POU2F1: variants seen among roughly 807,000 people sequenced by gnomAD.
The protein encoded by POU2F1 is POU domain, class 2, transcription factor 1.
In POU2F1, 16 loss-of-function variants were observed where a neutral mutation model predicts 84.9. The ratio of observed to expected loss-of-function variants is 0.19; its 90% CI spans 0.13 to 0.29. The LOEUF (loss-of-function observed/expected upper bound fraction) is 0.29, where lower values mean the gene tolerates loss of function less well. Ranked by LOEUF, POU2F1 falls within the 10% of genes least tolerant of loss-of-function variation. The pLI is 1.00. For synonymous variants in POU2F1, 368 were observed against 368.3 expected, an observed-to-expected ratio of 1.00 and a Z score of 0.01; for missense variants, 738 against 942.6, an observed-to-expected ratio of 0.78 and a Z score of 2.84.
In POU2F1 at chr1:167,426,762, G is replaced by A. The variant is rs1571497091; in HGVS notation, c.*10952G>A. On this transcript the variant is annotated 3_prime_UTR_variant, in exon 16 of 16. Coordinates refer to ENST00000367866, the MANE Select transcript of POU2F1 (RefSeq NM_002697.4). ...GTTCTTCTTTGTGGAAACTTAAGAT[G>A]TGGTGTAAATGATTCTTTCCAAAAT... The A allele has an allele frequency of 6.6e-6, 1 of 152,226 alleles. No individual in the cohort carries two copies. Among genetic ancestry groups the A allele is most frequent in the African/African-American group, 2.4e-5 (1 of 41,452 alleles). The allele number at this position is 152,226 out of a possible 1,614,324, so 9.4% of individuals were successfully genotyped here.
intron 1 of POU2F1, among the ~76,000 whole-genome samples, chr1:167,325,433 T>G (rs371587498): frequency 1.7e-3 from 257 of 152,292 alleles, no homozygotes; most frequent in African/African-American, 6.0e-3. Context: ...CCAGGCTGGA[T>G]GTTAATGATT....
At chr1:167,413,865 T>G (rs540143974) in intron 15 of POU2F1, among the ~76,000 whole-genome samples, 5 of 152,056 alleles carry the variant, frequency 3.3e-5, no homozygotes, top group Non-Finnish European at 7.4e-5. Context: ...AAAATAGTTT[T>G]GCTAAGAGGC....
Position 167,413,987 on chromosome 1 carries a change from TA to T in POU2F1, c.1990+891del, listed in dbSNP as rs372662250. Among the ~76,000 whole-genome samples, 1,133 of 126,332 alleles carry T rather than the reference TA, an allele frequency of 9.0e-3. 5 individuals carry two copies. Among genetic ancestry groups the T allele is most frequent in the Middle Eastern group, 0.02 (5 of 254 alleles). The allele number at this position is 126,332 out of a possible 152,430, so 82.9% of individuals were successfully genotyped here. ...GGGTAACACAGTAAGACCCTGTTTC[TA>T]AAAAAAAAAAAAAAAAATTAAAGTG... On this transcript the variant is annotated intron_variant, in intron 15 of 15. Transcript: ENST00000367866.
chr1:167,222,626 A>G (rs1334917301), intron 1 of POU2F1, among the ~76,000 whole-genome samples: 1 of 152,156 alleles, frequency 6.6e-6, no homozygotes, highest in Non-Finnish European at 1.5e-5. Flanking sequence ...ACTAATAACC[A>G]AAATGACTAC....
chr1:167,274,746 A>G (rs1007612279), intron 1 of POU2F1, among the ~76,000 whole-genome samples: 9 of 152,188 alleles, frequency 5.9e-5, no homozygotes, highest in Non-Finnish European at 1.0e-4. Flanking sequence ...TTGTTCATAT[A>G]TTCAGTTTTC....
chr1:167,326,719 T>C (rs1340346065), intron 1 of POU2F1, among the ~76,000 whole-genome samples: 1 of 152,150 alleles, frequency 6.6e-6, no homozygotes, highest in Non-Finnish European at 1.5e-5. Context: ...CTTGTGGGAC[T>C]CCCTTAGCCT....
chr1:167,396,530 C>T (rs1431046284), intron 10 of POU2F1, 103 bp downstream of exon 10: 12 of 1,232,044 alleles, frequency 9.7e-6, no homozygotes, highest in Non-Finnish European at 1.4e-5. Flanking sequence ...TTTGTTGTTA[C>T]AGAACCTTGA....
chr1:167,371,491 G>A (rs1455623139), intron 4 of POU2F1, among the ~76,000 whole-genome samples: 1 of 152,158 alleles, frequency 6.6e-6, no homozygotes, highest in Non-Finnish European at 1.5e-5. Flanking sequence ...ATATTAGGTG[G>A]AAAGTTCTGT....
chr1:167,331,967 T>A (rs1657107523), intron 1 of POU2F1, among the ~76,000 whole-genome samples: 1 of 152,104 alleles, frequency 6.6e-6, no homozygotes, highest in African/African-American at 2.4e-5. Context: ...ATAATTTACC[T>A]TAGACGTGTT....
chr1:167,286,364 C>T (rs1415157200), intron 1 of POU2F1, among the ~76,000 whole-genome samples: 1 of 152,140 alleles, frequency 6.6e-6, no homozygotes, highest in Non-Finnish European at 1.5e-5. Flanking sequence ...GTTACTGTCT[C>T]ATGTGGCACA....
chr1:167,378,246 A>G (rs1395474112), intron 7 of POU2F1, among the ~76,000 whole-genome samples: 2 of 151,606 alleles, frequency 1.3e-5, no homozygotes, highest in Non-Finnish European at 2.9e-5. Flanking sequence ...GTTTTTTGGG[A>G]TTTTAAGAGA....
intron 2 of POU2F1, among the ~76,000 whole-genome samples, chr1:167,344,021 C>T (rs1457006967): frequency 6.6e-6 from 1 of 151,908 alleles, no homozygotes; most frequent in Non-Finnish European, 1.5e-5. Context: ...GGAAGAGGAG[C>T]CCATGCCTTT....
chr1:167,295,134 C>A (rs944768596), intron 1 of POU2F1, among the ~76,000 whole-genome samples: 1 of 150,106 alleles, frequency 6.7e-6, no homozygotes, highest in Non-Finnish European at 1.5e-5. Context: ...AAAAAAAAAA[C>A]CTAACAGTAG....
chr1:167,334,483 TAA>T (rs547786800), intron 2 of POU2F1, among the ~76,000 whole-genome samples: 23 of 152,148 alleles, frequency 1.5e-4, no homozygotes, highest in African/African-American at 2.2e-4. Context: ...AGCCAGGAAA[TAA>T]AGTCAGGTTT....
At position 167,419,615 on chromosome 1, in the gene POU2F1, A is replaced by G. The variant is rs1650522559; in HGVS notation, c.*3805A>G. 6.6e-6 allele frequency: 1 copy of G among 152,248 alleles called. No individual in the cohort carries two copies. The highest frequency in any genetic ancestry group is 6.5e-5 in the Admixed American group (1 of 15,290). The allele number at this position is 152,248 out of a possible 1,614,324, so 9.4% of individuals were successfully genotyped here. Reference sequence around the variant, plus strand: ...CAATATTACTATGTTGTTCTAAGAAAAAATAAGTTGAGTGCTGTATTAGTT... The same window carrying G: ...CAATATTACTATGTTGTTCTAAGAAGAAATAAGTTGAGTGCTGTATTAGTT... On this transcript the variant is annotated 3_prime_UTR_variant, in exon 16 of 16. Coordinates refer to ENST00000367866, the MANE Select transcript of POU2F1 (RefSeq NM_002697.4).
chr1:167,278,434 A>G (rs1258484153), intron 1 of POU2F1, among the ~76,000 whole-genome samples: 1 of 152,218 alleles, frequency 6.6e-6, no homozygotes, highest in Non-Finnish European at 1.5e-5. Flanking sequence ...TAGGGATTTC[A>G]TAGATAATGG....
rs530397715 is a variant in POU2F1, at chr1:167,234,959, T to G, written c.61+14001T>G. On this transcript the variant is annotated intron_variant, in intron 1 of 15. Coordinates refer to ENST00000367866, the MANE Select transcript of POU2F1 (RefSeq NM_002697.4). The stretch of plus-strand genomic sequence containing the variant: ...TATGCAAGCAAATTATGCAAAAAGG[T>G]GGATTTGTTTACCACTTTTTACCAA... Among the ~76,000 whole-genome samples, 15 of 152,266 alleles carry G rather than the reference T, an allele frequency of 9.9e-5. 1 individual carries two copies. The South Asian group carries it at 3.1e-3, about 32-fold the overall frequency.
intron 9 of POU2F1, among the ~76,000 whole-genome samples, chr1:167,392,828 T>A (rs1178945445): frequency 3.9e-5 from 6 of 152,256 alleles, no homozygotes; most frequent in African/African-American, 1.4e-4. Context: ...TATCAACCTC[T>A]GTTTTTAAGT....
At position 167,423,968 on chromosome 1, in the gene POU2F1, G is replaced by A. The variant is rs1193886844; in HGVS notation, c.*8158G>A. 1 of 152,256 alleles carries A rather than the reference G, an allele frequency of 6.6e-6. No individual in the cohort carries two copies. The highest frequency in any genetic ancestry group is 1.9e-4 in the East Asian group (1 of 5,196). The allele number at this position is 152,256 out of a possible 1,614,324, so 9.4% of individuals were successfully genotyped here. On this transcript the variant is annotated 3_prime_UTR_variant, in exon 16 of 16. Transcript: ENST00000367866. Reference sequence around the variant, plus strand: ...TTCAAATGAAAAAGGACAGAGCCAAGTAGAGAAAAGACTTTGTGCTCCCAC... The same window carrying A: ...TTCAAATGAAAAAGGACAGAGCCAAATAGAGAAAAGACTTTGTGCTCCCAC...
Sources: gnomAD v4.1 joint callset for allele counts (sites outside exome capture counted in the v4.1 genomes callset) on GRCh38, gnomAD v4.1.1 for gene constraint, MANE v1.5 for transcripts, NCBI Gene and HGNC (gene_info 2026-07-23, HGNC 2026-07-21) for gene names.